CIMIP2A: variants seen among roughly 807,000 people sequenced by gnomAD.
CIMIP2A encodes family with sequence similarity 166 member A.
At chr9:137,253,395 C>G in the CIMIP2A span, 448 of 1,491,606 alleles carry the variant, frequency 3.0e-4, no homozygotes, top group Non-Finnish European at 3.8e-4. Context: ...CTGGCCAACC[C>G]TTCTATGGGC....
At chr9:137,244,204 C>G in the CIMIP2A span, 1 of 1,613,930 alleles carries the variant, frequency 6.2e-7, no homozygotes, top group Non-Finnish European at 8.5e-7. Flanking sequence ...GGGATCAGGC[C>G]TTGGCTGCTG....
At chr9:137,251,470 C>T in the CIMIP2A span, 2 of 1,217,106 alleles carry the variant, frequency 1.6e-6, no homozygotes, top group Admixed American at 1.9e-5. Flanking sequence ...GTGTGGGGGG[C>T]AGGTTGCTGG....
the CIMIP2A span, among the ~76,000 whole-genome samples, chr9:137,247,261 G>GGTAA: frequency 6.6e-6 from 1 of 152,268 alleles, no homozygotes; most frequent in East Asian, 1.9e-4. Context: ...TTCCAGCCTG[G>GGTAA]GTAATAAGAG....
the CIMIP2A span, chr9:137,244,338 G>C: frequency 6.3e-7 from 1 of 1,597,760 alleles, no homozygotes; most frequent in Non-Finnish European, 8.6e-7. Context: ...CAGGCAAACA[G>C]ATAGTCAAGT....
the CIMIP2A span, among the ~76,000 whole-genome samples, chr9:137,248,823 G>A: frequency 1.3e-5 from 2 of 152,098 alleles, no homozygotes; most frequent in Non-Finnish European, 2.9e-5. Context: ...AGCTGAGATC[G>A]CACCGCTGCA....
At chr9:137,251,054 G>C in the CIMIP2A span, 1 of 547,176 alleles carries the variant, frequency 1.8e-6, no homozygotes, top group Non-Finnish European at 3.3e-6. Context: ...GAAAGGTTGC[G>C]GGGAGGGAGA....
the CIMIP2A span, chr9:137,245,156 A>G: frequency 6.5e-7 from 1 of 1,533,414 alleles, no homozygotes; most frequent in East Asian, 2.4e-5. Flanking sequence ...AGCTGCCCAC[A>G]TCTAGCGTCT....
the CIMIP2A span, chr9:137,250,810 C>T: frequency 5.6e-6 from 1 of 179,002 alleles, no homozygotes; most frequent in African/African-American, 2.4e-5. Context: ...AGTGGAAATC[C>T]AGATGGGGTG....
chr9:137,243,816 T>C, the CIMIP2A span: 2 of 1,611,122 alleles, frequency 1.2e-6, no homozygotes, highest in Non-Finnish European at 1.7e-6. Flanking sequence ...GCAGCTGAGC[T>C]GGGCTTATGT....
the CIMIP2A span, chr9:137,252,793 G>C: frequency 6.4e-7 from 1 of 1,562,954 alleles, no homozygotes; most frequent in South Asian, 1.2e-5. Context: ...CTAGGGGGCT[G>C]GGCCTCAGGG....
chr9:137,254,476 A>C, the CIMIP2A span, among the ~76,000 whole-genome samples: 1 of 152,238 alleles, frequency 6.6e-6, no homozygotes, highest in Non-Finnish European at 1.5e-5. Flanking sequence ...GGCAGGAAAG[A>C]TGGAGCGATC....
the CIMIP2A span, chr9:137,244,133 C>T: frequency 6.9e-6 from 11 of 1,594,728 alleles, no homozygotes; most frequent in Middle Eastern, 1.7e-4. Flanking sequence ...CCCACATTGG[C>T]CGGGGTGTGT....
the CIMIP2A span, among the ~76,000 whole-genome samples, chr9:137,249,324 C>G: frequency 6.6e-6 from 1 of 152,184 alleles, no homozygotes; most frequent in Non-Finnish European, 1.5e-5. Flanking sequence ...TTCTGGAAAC[C>G]AAGTTGGTAT....
At chr9:137,253,433 C>CCCCCATCTGCCCATCTCCCCT in the CIMIP2A span, 3 of 1,441,688 alleles carry the variant, frequency 2.1e-6, no homozygotes, top group South Asian at 4.4e-5. Context: ...CAGCCTGGAT[C>CCCCCATCTGCCCATCTCCCCT]CCCCATCTGC....
At chr9:137,252,073 C>A in the CIMIP2A span, 1 of 1,613,010 alleles carries the variant, frequency 6.2e-7, no homozygotes, top group Non-Finnish European at 8.5e-7. Flanking sequence ...GTGCCGAGCC[C>A]GTCCGTACGA....
chr9:137,245,898 C>T, the CIMIP2A span: 1 of 1,431,792 alleles, frequency 7.0e-7, no homozygotes, highest in Non-Finnish European at 9.3e-7. Context: ...CAAGGGCAGC[C>T]CCAGCACTGG....
At chr9:137,252,136 G>A in the CIMIP2A span, 1 of 1,606,048 alleles carries the variant, frequency 6.2e-7, no homozygotes, top group East Asian at 2.2e-5. Flanking sequence ...CAGGGCCGAG[G>A]TGTGTGTCCC....
At chr9:137,245,515 G>A in the CIMIP2A span, 5 of 1,613,820 alleles carry the variant, frequency 3.1e-6, no homozygotes, top group Non-Finnish European at 4.2e-6. Flanking sequence ...CTCCAAGGGT[G>A]GGAGCTGGCC....
At chr9:137,245,579 T>C in the CIMIP2A span, 7 of 1,613,546 alleles carry the variant, frequency 4.3e-6, no homozygotes, top group Non-Finnish European at 5.9e-6. Flanking sequence ...GGGCAGCCTG[T>C]GAGTGCCGGG....
Sources: allele counts gnomAD v4.1 joint callset (sites outside exome capture counted in the v4.1 genomes callset), GRCh38; gene constraint gnomAD v4.1.1; transcripts MANE v1.5; gene names NCBI Gene and HGNC (gene_info 2026-07-23, HGNC 2026-07-21).